ATXN10: variants seen among roughly 807,000 people sequenced by gnomAD.
ATXN10 encodes the protein ataxin-10.
A neutral mutation model predicts 52.9 loss-of-function variants in ATXN10; 28 were observed. The ratio of observed to expected loss-of-function variants is 0.53; its 90% confidence interval spans 0.39 to 0.73. The LOEUF is 0.73. Among genes scored for constraint, ATXN10 ranks in the 30% least tolerant of loss-of-function variants. ATXN10 has a pLI of 0.00. For synonymous variants in ATXN10, 226 were observed against 221.5 expected, an observed-to-expected ratio of 1.02 and a Z score of -0.18; for missense variants, 565 against 577.0, an observed-to-expected ratio of 0.98 and a Z score of 0.21.
In ATXN10 at chr22:45,843,255, G is replaced by A. The variant is rs1165610651; in HGVS notation, c.1425+77G>A. The A allele has an allele frequency of 3.3e-5, 49 of 1,470,318 alleles. No individual in the cohort carries two copies. The highest frequency in any genetic ancestry group is 2.2e-4 in the Middle Eastern group (1 of 4,620). The allele number at this position is 1,470,318 out of a possible 1,614,324, so 91.1% of individuals were successfully genotyped here. A position where few individuals can be genotyped will look rare whatever the true frequency, so the allele number is the denominator to read the frequency against. ...TCCACTTCCCCATTGCTTCAAGCACGAGGCTCTTTGTAAGAATATGGATGG... is the reference window on the plus strand; with the variant it reads ...TCCACTTCCCCATTGCTTCAAGCACAAGGCTCTTTGTAAGAATATGGATGG... On this transcript the variant is annotated intron_variant, in intron 11 of 11. Coordinates refer to ENST00000252934, the MANE Select transcript of ATXN10 (RefSeq NM_013236.4). The surrounding 1 kb of genome is among the most constrained non-coding windows in gnomAD (Gnocchi z 4.5).
chr22:45,724,766 T>G (rs1924801702), intron 6 of ATXN10, among the ~76,000 whole-genome samples: 1 of 152,192 alleles, frequency 6.6e-6, no homozygotes, highest in South Asian at 2.1e-4. Flanking sequence ...TTTTCCTAGG[T>G]TTTCTCCTAG....
chr22:45,817,943 G>C lies in ATXN10; in HGVS notation c.1237+10921G>C, dbSNP rs1249324165. On this transcript the variant is annotated intron_variant, in intron 10 of 11. Coordinates refer to ENST00000252934, the MANE Select transcript of ATXN10 (RefSeq NM_013236.4). ...GAAAGAGTGAGGGGGACCTGCTTTA[G>C]CCAGCTCTCCTAGTACCTTAGCAAC... Among the ~76,000 whole-genome samples the C allele has an allele frequency of 2.0e-5, 3 of 152,258 alleles. No individual in the cohort carries two copies. The East Asian group carries it at 5.8e-4, about 29-fold the overall frequency.
chr22:45,712,211 C>A lies in ATXN10; in HGVS notation c.648-6202C>A, dbSNP rs1924276716. 6.6e-6 allele frequency among the ~76,000 whole-genome samples: 1 copy of A among 152,000 alleles called. No individual in the cohort carries two copies. Among genetic ancestry groups the A allele is most frequent in the South Asian group, 2.1e-4 (1 of 4,826 alleles). On this transcript the variant is annotated intron_variant, in intron 5 of 11. Coordinates refer to ENST00000252934, the MANE Select transcript of ATXN10 (RefSeq NM_013236.4). This position sits in a 1 kb window ranked among gnomAD's most constrained non-coding sequence, Gnocchi z 4.6. ...ACAGGCTGTCAGGTTTGGGCCCACTCTTGAAGGAAAAAGCTACCAGGTTTG... is the reference window on the plus strand; with the variant it reads ...ACAGGCTGTCAGGTTTGGGCCCACTATTGAAGGAAAAAGCTACCAGGTTTG...
At chr22:45,675,885 A>G (rs948961226) in intron 1 of ATXN10, 1 of 152,212 alleles carries the variant, frequency 6.6e-6, no homozygotes, top group East Asian at 1.9e-4. Flanking sequence ...GCTTATGGTC[A>G]TATAATATCA....
chr22:45,831,303 A>G (rs1335786604), intron 10 of ATXN10, among the ~76,000 whole-genome samples: 3 of 152,144 alleles, frequency 2.0e-5, no homozygotes, highest in Non-Finnish European at 4.4e-5. Flanking sequence ...AATGCGTTTA[A>G]CACTACCAAT....
intron 6 of ATXN10, among the ~76,000 whole-genome samples, chr22:45,723,226 A>G (rs570437738): frequency 2.0e-5 from 3 of 152,228 alleles, no homozygotes; most frequent in Admixed American, 2.0e-4. Context: ...AGGTATATCT[A>G]TATTTTATAT....
chr22:45,813,522 A>G (rs1218163751), intron 10 of ATXN10, among the ~76,000 whole-genome samples: 2 of 150,472 alleles, frequency 1.3e-5, no homozygotes, highest in African/African-American at 2.5e-5. Flanking sequence ...ACAGAAATGT[A>G]AGAGTTTATA....
At chr22:45,722,891 A>T (rs1480368342) in intron 6 of ATXN10, among the ~76,000 whole-genome samples, 1 of 151,778 alleles carries the variant, frequency 6.6e-6, no homozygotes, top group Non-Finnish European at 1.5e-5. Flanking sequence ...ATTTCTCCAC[A>T]TCCCTATCTG....
Position 45,795,331 on chromosome 22 carries a change from C to G in ATXN10, c.1174-11628C>G, listed in dbSNP as rs527838566. 6.6e-6 allele frequency among the ~76,000 whole-genome samples: 1 copy of G among 151,576 alleles called. No individual in the cohort carries two copies. Among genetic ancestry groups the G allele is most frequent in the Admixed American group, 6.6e-5 (1 of 15,174 alleles). On this transcript the variant is annotated intron_variant, in intron 9 of 11. Coordinates refer to ENST00000252934, the MANE Select transcript of ATXN10 (RefSeq NM_013236.4). This position sits in a 1 kb window ranked among gnomAD's most constrained non-coding sequence, Gnocchi z 4.6. Reference sequence around the variant, plus strand: ...TATTAAATGTAAATGGCTTAAATATCCAACTAAAAGACTACTAGAATGGAT... The same window carrying G: ...TATTAAATGTAAATGGCTTAAATATGCAACTAAAAGACTACTAGAATGGAT...
rs1333200626 is a variant in ATXN10, at chr22:45,781,626, A to C, written c.1174-25333A>C. Among the ~76,000 whole-genome samples the C allele has an allele frequency of 6.6e-6, 1 of 152,254 alleles. No individual in the cohort carries two copies. Among genetic ancestry groups the C allele is most frequent in the East Asian group, 1.9e-4 (1 of 5,204 alleles). On this transcript the variant is annotated intron_variant, in intron 9 of 11. Transcript: ENST00000252934. This position sits in a 1 kb window ranked among gnomAD's most constrained non-coding sequence, Gnocchi z 4.2. ...TTAGCTTAAGTGAGCAAAGGCAGTC[A>C]ACAGATGCCAATACCAAGATGATGA...
intron 10 of ATXN10, among the ~76,000 whole-genome samples, chr22:45,821,810 T>G (rs923428904): frequency 3.9e-5 from 6 of 152,186 alleles, no homozygotes; most frequent in Non-Finnish European, 7.3e-5. Context: ...TTTTAAAACT[T>G]CTTGTTTTTA....
chr22:45,696,981 ATGT>A lies in ATXN10; in HGVS notation c.392-3296_392-3294del, dbSNP rs531841971. On this transcript the variant is annotated intron_variant, in intron 3 of 11. Coordinates refer to ENST00000252934, the MANE Select transcript of ATXN10 (RefSeq NM_013236.4). The surrounding 1 kb of genome is among the most constrained non-coding windows in gnomAD (Gnocchi z 4.7). ...ACCTGTTACATGTTAGCTGTATTAA[ATGT>A]TGTTCTTAATTTAGGTAGTTGCATT... Among the ~76,000 whole-genome samples the A allele has an allele frequency of 2.0e-5, 3 of 152,174 alleles. No homozygotes were observed. The South Asian group carries it at 6.2e-4, about 32-fold the overall frequency.
At chr22:45,687,109 TG>T (rs1923176670) in intron 1 of ATXN10, among the ~76,000 whole-genome samples, 1 of 152,248 alleles carries the variant, frequency 6.6e-6, no homozygotes, top group Non-Finnish European at 1.5e-5. Context: ...AGGAATGTTT[TG>T]GTTGGCCTTA....
intron 8 of ATXN10, 119 bp downstream of exon 8, chr22:45,738,958 A>G: frequency 1.0e-6 from 1 of 963,874 alleles, no homozygotes; most frequent in South Asian, 1.4e-5. Flanking sequence ...TTGTGAATAT[A>G]TTTTTTTGAG....
intron 9 of ATXN10, among the ~76,000 whole-genome samples, chr22:45,767,138 G>A (rs1029073271): frequency 6.6e-6 from 1 of 152,156 alleles, no homozygotes; most frequent in African/African-American, 2.4e-5. Context: ...CTAGAAACTA[G>A]TTCAAGACCA....
At position 45,770,778 on chromosome 22, in the gene ATXN10, A is replaced by G. The variant is rs1285279840; in HGVS notation, c.1173+30240A>G. 1.3e-5 allele frequency among the ~76,000 whole-genome samples: 2 copies of G among 152,236 alleles called. No individual in the cohort carries two copies. Among genetic ancestry groups the G allele is most frequent in the Non-Finnish European group, 2.9e-5 (2 of 68,042 alleles). ...TAAGGGCAGGATCCAGCCACGTCAC[A>G]TTCTCCATGCCTTGCTGGGACCCTT... is the stretch of plus-strand genomic sequence containing the variant. On this transcript the variant is annotated intron_variant, in intron 9 of 11. Transcript: ENST00000252934. The surrounding 1 kb of genome is among the most constrained non-coding windows in gnomAD (Gnocchi z 4.5).
chr22:45,776,626 C>T (rs887764472), intron 9 of ATXN10, among the ~76,000 whole-genome samples: 2 of 152,028 alleles, frequency 1.3e-5, no homozygotes, highest in Non-Finnish European at 2.9e-5. Flanking sequence ...GCTCAGCTGC[C>T]CACTAGTTGT....
At chr22:45,738,560 C>T in intron 7 of ATXN10, 171 bp from the exon 8 acceptor site, 1 of 596,072 alleles carries the variant, frequency 1.7e-6, no homozygotes, top group Non-Finnish European at 2.9e-6. Flanking sequence ...GAGTCGTGTA[C>T]ATATTTCATA....
At position 45,683,765 on chromosome 22, in the gene ATXN10, A is replaced by T. The variant is rs536131261; in HGVS notation, c.117-5947A>T. 6.6e-6 allele frequency among the ~76,000 whole-genome samples: 1 copy of T among 152,112 alleles called. No individual in the cohort carries two copies. The highest frequency in any genetic ancestry group is 1.5e-5 in the Non-Finnish European group (1 of 67,992). Reference sequence around the variant, plus strand: ...TCCAATTCAGTTTTTTTCTTTTTAGATTAACAGTTGTTACAGCACCTCTTC... The same window carrying T: ...TCCAATTCAGTTTTTTTCTTTTTAGTTTAACAGTTGTTACAGCACCTCTTC... On this transcript the variant is annotated intron_variant, in intron 1 of 11. Transcript: ENST00000252934. This position sits in a 1 kb window ranked among gnomAD's most constrained non-coding sequence, Gnocchi z 4.8.
Sources: gnomAD v4.1 joint callset for allele counts (sites outside exome capture counted in the v4.1 genomes callset) on GRCh38, gnomAD v4.1.1 for gene constraint, Gnocchi (gnomAD v3.1) non-coding constraint, MANE v1.5 for transcripts, NCBI Gene and HGNC (gene_info 2026-07-23, HGNC 2026-07-21) for gene names.